Variants in PKP4 observed in about 807,000 individuals in gnomAD.
PKP4 encodes plakophilin 4.
A neutral mutation model predicts 145.1 loss-of-function variants in PKP4; 90 were observed. The observed-to-expected ratio is 0.62, with a 90% CI of 0.52 to 0.74. PKP4 has a LOEUF of 0.74. Ranked by LOEUF, PKP4 falls within the 30% of genes least tolerant of loss-of-function variation. The pLI, the probability that PKP4 is intolerant of heterozygous loss-of-function variation, is 0.00. For missense variants in PKP4, 1,340 were observed against 1,482.7 expected (o/e 0.90, Z 1.58); for synonymous variants, 563 against 577.2 (o/e 0.98, Z 0.35).
intron 11 of PKP4, among the ~76,000 whole-genome samples, chr2:158,652,758 G>T (rs2055497540): frequency 6.6e-6 from 1 of 152,180 alleles, no homozygotes; most frequent in Non-Finnish European, 1.5e-5. Context: ...ATTACATAAG[G>T]AGCAGTGTTC....
At chr2:158,638,628 G>T (rs957211655) in intron 9 of PKP4, among the ~76,000 whole-genome samples, 7 of 152,192 alleles carry the variant, frequency 4.6e-5, no homozygotes, top group African/African-American at 1.7e-4. Flanking sequence ...TATAAAGAAT[G>T]GATTGGGGGT....
chr2:158,586,641 A>G (rs2048825222), intron 3 of PKP4, among the ~76,000 whole-genome samples: 1 of 152,216 alleles, frequency 6.6e-6, no homozygotes, highest in African/African-American at 2.4e-5. Flanking sequence ...CATTTTTGTG[A>G]TGCAACTCCT....
intron 1 of PKP4, among the ~76,000 whole-genome samples, chr2:158,471,827 G>C (rs1248400104): frequency 6.6e-6 from 1 of 152,018 alleles, no homozygotes; most frequent in Non-Finnish European, 1.5e-5. Context: ...ACTTAACAAT[G>C]GCATTTAAAC....
chr2:158,574,096 A>G (rs751210822), intron 2 of PKP4, among the ~76,000 whole-genome samples: 1 of 152,252 alleles, frequency 6.6e-6, no homozygotes, highest in Admixed American at 6.5e-5. Context: ...AATATTTATC[A>G]GTATACTTAC....
chr2:158,539,464 C>T (rs566175805), intron 2 of PKP4, among the ~76,000 whole-genome samples: 2 of 152,308 alleles, frequency 1.3e-5, no homozygotes, highest in African/African-American at 2.4e-5. Flanking sequence ...CTCTGACACA[C>T]CTCAGCCACA....
rs780517320 is a variant in PKP4 at position 158,642,524 on chromosome 2, T to G, written c.1734T>G (p.Leu578=). Residue 578 remains leucine (L), a synonymous_variant, in exon 11 of 22, where the codon CTT becomes CTG. Transcript: ENST00000389759. ...RLGGIKHLVD[L]LDHRVLEVQK... is the part of the protein sequence containing the mutation. ...GGGGAATCAAGCATCTGGTTGACCT[T>G]CTGGACCACAGAGTTTTGGAAGTTC... 6.2e-7 allele frequency: 1 copy of G among 1,613,304 alleles called. No individual in the cohort carries two copies. Among genetic ancestry groups the G allele is most frequent in the South Asian group, 1.1e-5 (1 of 91,018 alleles).
intron 20 of PKP4, chr2:158,677,375 T>C (rs999227372): frequency 7.0e-6 from 1 of 141,874 alleles, no homozygotes; most frequent in Non-Finnish European, 1.4e-5. Flanking sequence ...AACGTGATTA[T>C]TTTTTAAGAA....
intron 1 of PKP4, among the ~76,000 whole-genome samples, chr2:158,530,453 C>T (rs1420239136): frequency 6.7e-6 from 1 of 148,336 alleles, no homozygotes; most frequent in Non-Finnish European, 1.5e-5. Context: ...CTGAGGGAAG[C>T]GTGAGGCCTA....
chr2:158,511,115 G>C lies in PKP4; in HGVS notation c.-5-22065G>C, dbSNP rs543757755. On this transcript the variant is annotated intron_variant, in intron 1 of 21. Transcript: ENST00000389759. ...GAAACTCACGTCAGGGGCTGAGCGC[G>C]GTGGCTCACACCTGAAATCTCAGCA... is the stretch of plus-strand genomic sequence containing the variant. Among the ~76,000 whole-genome samples, 15 of 152,304 alleles carry C rather than the reference G, an allele frequency of 9.8e-5. No homozygotes were observed. The East Asian group carries it at 2.9e-3, about 29-fold the overall frequency.
rs75285426 is a variant in PKP4, at chr2:158,500,785, G to A, written c.-5-32395G>A. On this transcript the variant is annotated intron_variant, in intron 1 of 21. Transcript: ENST00000389759. ...AGTATCTGGGAGAGGGCATGAACTC[G>A]TGAGAAAGTCCTCATATTCTGAGCT... Among the ~76,000 whole-genome samples, 36 of 152,328 alleles carry A rather than the reference G, an allele frequency of 2.4e-4. No individual in the cohort carries two copies. In the East Asian group the frequency reaches 5.6e-3, roughly 24 times the overall value.
intron 2 of PKP4, among the ~76,000 whole-genome samples, chr2:158,543,867 T>C (rs1485019595): frequency 6.6e-6 from 1 of 152,170 alleles, no homozygotes; most frequent in Non-Finnish European, 1.5e-5. Flanking sequence ...ATTTTGTTGT[T>C]AGAATAATAA....
intron 12 of PKP4, 77 bp downstream of exon 12, chr2:158,658,391 T>C (rs1276828207): frequency 1.2e-6 from 1 of 861,216 alleles, no homozygotes; most frequent in Admixed American, 2.6e-5. Flanking sequence ...TTAGGAGGAC[T>C]TACTTTATTA....
intron 6 of PKP4, among the ~76,000 whole-genome samples, chr2:158,623,357 G>T (rs1235323454): frequency 3.3e-5 from 5 of 151,856 alleles, no homozygotes; most frequent in Non-Finnish European, 7.4e-5. Flanking sequence ...TTGTTTGTTT[G>T]TTTTTTGTAG....
intron 19 of PKP4, among the ~76,000 whole-genome samples, 154 bp downstream of exon 19, chr2:158,674,154 A>C (rs2057801810): frequency 6.6e-6 from 1 of 152,216 alleles, no homozygotes. Context: ...ACACCATTAT[A>C]AACCACAAGC....
At chr2:158,608,808 C>CTTTTTTTTTTTT (rs66933766) in intron 4 of PKP4, among the ~76,000 whole-genome samples, 36 of 86,186 alleles carry the variant, frequency 4.2e-4, no homozygotes, top group African/African-American at 6.6e-4. Flanking sequence ...TCTTTTCTTT[C>CTTTTTTTTTTTT]TTTTTTTTTT....
intron 4 of PKP4, among the ~76,000 whole-genome samples, chr2:158,619,978 G>A (rs2105889513): frequency 6.6e-6 from 1 of 152,120 alleles, no homozygotes; most frequent in South Asian, 2.1e-4. Flanking sequence ...TCTCATAACT[G>A]CATAGGGCCT....
intron 11 of PKP4, among the ~76,000 whole-genome samples, chr2:158,652,951 A>G (rs1574982105): frequency 2.0e-5 from 3 of 152,200 alleles, no homozygotes; most frequent in African/African-American, 7.2e-5. Flanking sequence ...CTTGTGAAAG[A>G]GCACGACTAA....
At chr2:158,660,697 TTTATAATTG>T (rs1280675871) in intron 12 of PKP4, 2 of 152,312 alleles carry the variant, frequency 1.3e-5, no homozygotes, top group Admixed American at 1.3e-4. Context: ...TTCTGGGTGT[TTTATAATTG>T]AAAAGATCAG....
At chr2:158,519,659 A>C (rs2042199852) in intron 1 of PKP4, among the ~76,000 whole-genome samples, 1 of 152,198 alleles carries the variant, frequency 6.6e-6, no homozygotes, top group Admixed American at 6.5e-5. Flanking sequence ...GGTCTATAGC[A>C]GTTATCTTTC....
Sources: gnomAD v4.1 joint callset for allele counts (sites outside exome capture counted in the v4.1 genomes callset) on GRCh38, gnomAD v4.1.1 for gene constraint, MANE v1.5 for transcripts, NCBI Gene and HGNC (gene_info 2026-07-23, HGNC 2026-07-21) for gene names.